The following NVL variants were observed in gnomAD, a reference collection of about 807,000 sequenced individuals.
The protein encoded by NVL is nuclear valosin-containing protein-like.
Under a neutral mutation model 110.2 loss-of-function variants are expected in NVL, and 84 were observed. The observed-to-expected ratio is 0.76, with a 90% CI of 0.64 to 0.91. The LOEUF is 0.91. NVL is among the 40% of genes least tolerant of loss of function. NVL has a pLI of 0.00. For missense variants in NVL, 882 were observed against 1,035.9 expected, an observed-to-expected ratio of 0.85 and a Z score of 2.04; for synonymous variants, 354 against 361.1, an observed-to-expected ratio of 0.98 and a Z score of 0.22.
intron 19 of NVL, among the ~76,000 whole-genome samples, chr1:224,238,426 T>C (rs1339202631): frequency 3.3e-5 from 5 of 152,176 alleles, no homozygotes; most frequent in African/African-American, 1.2e-4. Context: ...CTGCCGGCCT[T>C]GTGCACTAGT....
chr1:224,264,305 G>A (rs1664275593), intron 18 of NVL, among the ~76,000 whole-genome samples: 1 of 150,974 alleles, frequency 6.6e-6, no homozygotes, highest in Non-Finnish European at 1.5e-5. Flanking sequence ...ATGCAGTGGT[G>A]CTATCTGGGC....
Position 224,315,881 on chromosome 1 carries a change from A to C in NVL, c.284+1813T>G, listed in dbSNP as rs950667162. The stretch of plus-strand genomic sequence containing the variant: ...TTTGTAATAGCCAGAAACTGGAAAC[A>C]AACCAACTGCCCAACAAGAGATAAA... On this transcript the variant is annotated intron_variant, in intron 4 of 22. Coordinates refer to ENST00000281701, the MANE Select transcript of NVL (RefSeq NM_002533.4). Among the ~76,000 whole-genome samples the C allele has an allele frequency of 3.9e-5, 6 of 152,278 alleles. No individual in the cohort carries two copies. In the East Asian group the frequency reaches 1.2e-3, roughly 29 times the overall value.
At chr1:224,257,310 T>C (rs938775564) in intron 18 of NVL, among the ~76,000 whole-genome samples, 1 of 151,816 alleles carries the variant, frequency 6.6e-6, no homozygotes, top group African/African-American at 2.4e-5. Context: ...AAAAAGCTAT[T>C]ACAGCTTGCC....
chr1:224,249,416 G>A (rs1413769075), intron 19 of NVL, among the ~76,000 whole-genome samples: 5 of 152,052 alleles, frequency 3.3e-5, no homozygotes, highest in East Asian at 3.9e-4. Flanking sequence ...GTGAGCCAAC[G>A]TGTTTGGCCC....
intron 1 of NVL, among the ~76,000 whole-genome samples, chr1:224,328,844 T>C (rs1446139397): frequency 6.6e-6 from 1 of 152,168 alleles, no homozygotes; most frequent in Non-Finnish European, 1.5e-5. Flanking sequence ...ATATGCTGAC[T>C]AGGCAGCTGG....
At chr1:224,275,529 CAGTTTTATGTGACATAAACT>C in intron 16 of NVL, 71 bp from the exon 17 acceptor site, 1 of 1,587,132 alleles carries the variant, frequency 6.3e-7, no homozygotes, top group Non-Finnish European at 8.6e-7. Flanking sequence ...TGATACTAAA[CAGTTTTATGTGACATAAACT>C]AGTTTTATGT....
chr1:224,296,603 T>C lies in NVL; in HGVS notation c.1078A>G (p.Ile360Val), dbSNP rs377450954. 3.0e-5 allele frequency: 47 copies of C among 1,588,238 alleles called. No individual in the cohort carries two copies. Among genetic ancestry groups the C allele is most frequent in the Non-Finnish European group, 3.9e-5 (45 of 1,166,994 alleles). Residue 360 changes from isoleucine to valine, a missense_variant, in exon 11 of 23, where the codon ATC becomes GTC. Around this residue, in one of 4 missense-constraint regions of NVL, gnomAD observed 416 missense variants for 499.3 expected, o/e 0.83. Transcript: ENST00000281701. ...GCATCAATTTCATCAATGAAAATGA[T>C]ACATGGTGCATTTGACTAGAAATAA... The part of the protein sequence containing the change: ...FEQAVSNAPC[I>V]IFIDEIDAIT...
chr1:224,310,807 C>T (rs754664606), intron 5 of NVL, among the ~76,000 whole-genome samples: 13 of 151,880 alleles, frequency 8.6e-5, no homozygotes, highest in African/African-American at 1.5e-4. Context: ...CATAGCTCAC[C>T]GCAGCCTCAA....
At chr1:224,292,735 C>T (rs952984826) in intron 12 of NVL, among the ~76,000 whole-genome samples, 1 of 152,068 alleles carries the variant, frequency 6.6e-6, no homozygotes, top group Non-Finnish European at 1.5e-5. Context: ...TTCAGTGTAC[C>T]CCTTCCTCAT....
intron 18 of NVL, among the ~76,000 whole-genome samples, chr1:224,263,725 G>A (rs911007432): frequency 2.6e-5 from 4 of 152,134 alleles, no homozygotes; most frequent in African/African-American, 9.7e-5. Context: ...TAGATCTTCT[G>A]GCTCAGAGTA....
chr1:224,287,299 T>TTAAAAATATTAAAA (rs1666959231), intron 14 of NVL, among the ~76,000 whole-genome samples: 1 of 152,036 alleles, frequency 6.6e-6, no homozygotes. Context: ...TGAAGAGAAG[T>TTAAAAATATTAAAA]TGGTTAACGG....
chr1:224,245,363 C>G (rs112238875), intron 19 of NVL, among the ~76,000 whole-genome samples: 2,654 of 152,292 alleles, frequency 0.017, 68 homozygotes, highest in African/African-American at 0.057. Context: ...TAAACAAAAA[C>G]ATTCATGACC....
chr1:224,279,784 T>A (rs1164724731), intron 16 of NVL, among the ~76,000 whole-genome samples: 1 of 152,200 alleles, frequency 6.6e-6, no homozygotes, highest in Non-Finnish European at 1.5e-5. Flanking sequence ...AGTATTTCCT[T>A]AATATAAAAT....
intron 15 of NVL, 127 bp from the exon 16 acceptor site, chr1:224,281,312 TGAGA>T (rs1666300334): frequency 1.3e-6 from 1 of 749,262 alleles, no homozygotes; most frequent in Non-Finnish European, 2.3e-6. Context: ...TGTGTGTGTG[TGAGA>T]TTTAGATGGA....
Position 224,289,751 on chromosome 1 carries a change from G to GA in NVL, c.1326-19dup, listed in dbSNP as rs1558311822. Reference sequence around the variant, plus strand: ...GAAGTATTCTGTAGAAAAGACAGGGGAAAAAATTTCTGATTCCTGATCTAA... The same window carrying GA: ...GAAGTATTCTGTAGAAAAGACAGGGGAAAAAAATTTCTGATTCCTGATCTAA... On this transcript the variant is annotated intron_variant, in intron 12 of 22. Coordinates refer to ENST00000281701, the MANE Select transcript of NVL (RefSeq NM_002533.4). 1 of 1,586,098 alleles carries GA rather than the reference G, an allele frequency of 6.3e-7. No individual in the cohort carries two copies. Among genetic ancestry groups the GA allele is most frequent in the South Asian group, 1.1e-5 (1 of 87,678 alleles).
At chr1:224,325,812 G>A (rs1027575630) in intron 2 of NVL, among the ~76,000 whole-genome samples, 6 of 152,102 alleles carry the variant, frequency 3.9e-5, no homozygotes, top group Admixed American at 2.6e-4. Flanking sequence ...TTTGGGACAG[G>A]ATCTTATTCT....
intron 19 of NVL, among the ~76,000 whole-genome samples, chr1:224,237,753 C>A (rs1338338347): frequency 4.6e-5 from 3 of 65,918 alleles, no homozygotes; most frequent in Non-Finnish European, 9.6e-5. Context: ...TTGAGACAGT[C>A]TCGCTCTGGA....
Position 224,304,317 on chromosome 1 carries a change from C to T in NVL, c.825+419G>A, listed in dbSNP as rs1338267064. On this transcript the variant is annotated intron_variant, in intron 8 of 22. Coordinates refer to ENST00000281701, the MANE Select transcript of NVL (RefSeq NM_002533.4). Reference sequence around the variant, plus strand: ...GCACATGCCTGTAAACCCAACTACTCGGGTGGCTGAGGCAGAAGAATCTCT... The same window carrying T: ...GCACATGCCTGTAAACCCAACTACTTGGGTGGCTGAGGCAGAAGAATCTCT... Among the ~76,000 whole-genome samples the T allele has an allele frequency of 3.3e-5, 5 of 151,930 alleles. No individual in the cohort carries two copies. In the South Asian group the frequency reaches 6.2e-4, roughly 19 times the overall value.
chr1:224,327,165 G>A (rs2404859), intron 1 of NVL, among the ~76,000 whole-genome samples: 130,021 of 151,938 alleles, frequency 0.86, 57,167 homozygotes, highest in Non-Finnish European at 0.94. Context: ...AAATAAGCCC[G>A]GGCGTGGTGG....
Sources: allele counts gnomAD v4.1 joint callset (sites outside exome capture counted in the v4.1 genomes callset), GRCh38; gene constraint gnomAD v4.1.1; regional missense constraint gnomAD v4.1.1; transcripts MANE v1.5; gene names NCBI Gene and HGNC (gene_info 2026-07-23, HGNC 2026-07-21).